Variants in UMAD1 observed in about 807,000 individuals in gnomAD.
The protein encoded by UMAD1 is UBAP1-MVB12-associated (UMA)-domain containing protein 1.
Under a neutral mutation model 6.1 loss-of-function variants are expected in UMAD1, and 8 were observed. The ratio of observed to expected loss-of-function variants is 1.30; its 90% CI spans 0.76 to 2.35. UMAD1 has a LOEUF of 2.35. UMAD1 is among the 30% of genes most tolerant of loss of function. The pLI is 0.00. For synonymous variants in UMAD1, 56 were observed against 31.4 expected, an observed-to-expected ratio of 1.78 and a Z score of -2.61; for missense variants, 130 against 78.4, an observed-to-expected ratio of 1.66 and a Z score of -2.49.
intron 3 of UMAD1, among the ~76,000 whole-genome samples, chr7:7,855,586 G>A (rs149123554): frequency 7.2e-5 from 11 of 152,184 alleles, no homozygotes; most frequent in African/African-American, 2.7e-4. Flanking sequence ...AGCAGGGGGG[G>A]CCCTAGACCC....
chr7:7,836,027 T>C (rs1783561844), intron 3 of UMAD1, among the ~76,000 whole-genome samples: 1 of 152,066 alleles, frequency 6.6e-6, no homozygotes, highest in Admixed American at 6.5e-5. Context: ...AATTTAATCA[T>C]CCACGGTCTT....
intron 3 of UMAD1, among the ~76,000 whole-genome samples, chr7:7,815,753 T>G (rs4725039): frequency 0.92 from 140,442 of 152,208 alleles, 64,911 homozygotes; most frequent in African/African-American, 0.97. Flanking sequence ...GGGAGCCTGG[T>G]AAGGAGCCTA....
chr7:7,804,959 C>T (rs940498453), intron 3 of UMAD1, among the ~76,000 whole-genome samples: 3 of 150,872 alleles, frequency 2.0e-5, no homozygotes, highest in Non-Finnish European at 4.4e-5. Context: ...CCAGCCTGGG[C>T]GACAGAGCGG....
intron 2 of UMAD1, among the ~76,000 whole-genome samples, chr7:7,707,720 A>G (rs1780641379): frequency 6.6e-6 from 1 of 152,216 alleles, no homozygotes; most frequent in African/African-American, 2.4e-5. Context: ...GTGTTAATAT[A>G]TAATGCTTTT....
chr7:7,834,918 G>A (rs1486814566), intron 3 of UMAD1, among the ~76,000 whole-genome samples: 1 of 152,072 alleles, frequency 6.6e-6, no homozygotes, highest in African/African-American at 2.4e-5. Flanking sequence ...GGGAAGTAAG[G>A]CATGTCTTCC....
rs1784478903 is a variant in UMAD1 at position 7,879,075 on chromosome 7, T to G, written c.*1537T>G. 6.6e-6 allele frequency: 1 copy of G among 152,162 alleles called. No homozygotes were observed. Among genetic ancestry groups the G allele is most frequent in the African/African-American group, 2.4e-5 (1 of 41,444 alleles). The allele number at this position is 152,162 out of a possible 1,614,324, so 9.4% of individuals were successfully genotyped here. ...CAGTTTGTCTAATTTTGTGTGAAATTTTGTCGAAAATACCTAAACATTTCA... is the reference window on the plus strand; with the variant it reads ...CAGTTTGTCTAATTTTGTGTGAAATGTTGTCGAAAATACCTAAACATTTCA... On this transcript the variant is annotated 3_prime_UTR_variant, in exon 4 of 4. Coordinates refer to ENST00000682710, the MANE Select transcript of UMAD1 (RefSeq NM_001302348.2).
chr7:7,780,145 T>C (rs1048881955), intron 2 of UMAD1, among the ~76,000 whole-genome samples: 2 of 152,254 alleles, frequency 1.3e-5, no homozygotes, highest in Non-Finnish European at 2.9e-5. Flanking sequence ...TTTCAGAACT[T>C]AAACAGGTTC....
At chr7:7,717,060 C>CTTTCT (rs1554319148) in intron 2 of UMAD1, among the ~76,000 whole-genome samples, 4 of 141,604 alleles carry the variant, frequency 2.8e-5, no homozygotes, top group African/African-American at 1.1e-4. Context: ...TTCTTTTTTT[C>CTTTCT]TTTTTTTTTT....
At chr7:7,717,841 A>C (rs1583770803) in intron 2 of UMAD1, among the ~76,000 whole-genome samples, 1 of 152,316 alleles carries the variant, frequency 6.6e-6, no homozygotes, top group Non-Finnish European at 1.5e-5. Flanking sequence ...TTTATGCTTA[A>C]GTTTATGATT....
intron 2 of UMAD1, among the ~76,000 whole-genome samples, chr7:7,729,196 G>A (rs1216124021): frequency 6.6e-6 from 1 of 152,176 alleles, no homozygotes; most frequent in Non-Finnish European, 1.5e-5. Flanking sequence ...TGGTGAGTGG[G>A]AAAAGGCCCT....
chr7:7,663,323 T>A (rs1293909069), intron 1 of UMAD1, among the ~76,000 whole-genome samples: 3 of 148,592 alleles, frequency 2.0e-5, no homozygotes, highest in African/African-American at 7.5e-5. Flanking sequence ...AGTCTGAGCA[T>A]AAATAAGAGA....
At chr7:7,667,848 A>C (rs796249949) in intron 1 of UMAD1, among the ~76,000 whole-genome samples, 2 of 152,180 alleles carry the variant, frequency 1.3e-5, no homozygotes, top group Admixed American at 1.3e-4. Context: ...TTTGGTGCCA[A>C]TAGAATTTGG....
chr7:7,755,763 T>C (rs1353192343), intron 2 of UMAD1, among the ~76,000 whole-genome samples: 1 of 152,208 alleles, frequency 6.6e-6, no homozygotes, highest in Non-Finnish European at 1.5e-5. Context: ...ACCAAAAACA[T>C]GCTGGCTAAG....
chr7:7,748,840 A>T (rs922260111), intron 2 of UMAD1, among the ~76,000 whole-genome samples: 8 of 152,130 alleles, frequency 5.3e-5, no homozygotes, highest in Non-Finnish European at 2.9e-5. Context: ...TATTTATCAG[A>T]AGGATACTTT....
chr7:7,803,767 G>A (rs1782850870), intron 3 of UMAD1, among the ~76,000 whole-genome samples: 2 of 151,530 alleles, frequency 1.3e-5, no homozygotes, highest in South Asian at 4.2e-4. Flanking sequence ...AGTCTCTTCA[G>A]CCCCTTATAA....
At chr7:7,713,398 G>GTT (rs796648586) in intron 2 of UMAD1, among the ~76,000 whole-genome samples, 7 of 141,046 alleles carry the variant, frequency 5.0e-5, no homozygotes, top group African/African-American at 1.0e-4. Flanking sequence ...TATAGACAGA[G>GTT]TTTTTTTTTT....
chr7:7,678,511 TATAG>T (rs1289246190), intron 2 of UMAD1, among the ~76,000 whole-genome samples: 3 of 139,358 alleles, frequency 2.2e-5, no homozygotes, highest in Non-Finnish European at 4.6e-5. Flanking sequence ...ATATATTTAA[TATAG>T]ATAAATATAT....
At chr7:7,664,275 A>G (rs1218172024) in intron 1 of UMAD1, among the ~76,000 whole-genome samples, 1 of 152,004 alleles carries the variant, frequency 6.6e-6, no homozygotes, top group Non-Finnish European at 1.5e-5. Context: ...TTCTCATTCA[A>G]ACTTCACCCA....
intron 2 of UMAD1, among the ~76,000 whole-genome samples, chr7:7,766,554 C>A (rs1781988173): frequency 6.6e-6 from 1 of 152,188 alleles, no homozygotes; most frequent in Non-Finnish European, 1.5e-5. Flanking sequence ...TCTTCTCAAT[C>A]ATACAGGTGC....
Sources: allele counts gnomAD v4.1 joint callset (sites outside exome capture counted in the v4.1 genomes callset), GRCh38; gene constraint gnomAD v4.1.1; transcripts MANE v1.5; gene names NCBI Gene and HGNC (gene_info 2026-07-23, HGNC 2026-07-21).